The following ELF1 variants were observed in gnomAD, a reference collection of about 807,000 sequenced individuals.
ELF1 encodes ETS-related transcription factor Elf-1.
A neutral mutation model predicts 59.9 loss-of-function variants in ELF1; 24 were observed. The ratio of observed to expected loss-of-function variants is 0.40; its 90% CI spans 0.29 to 0.56. The LOEUF is 0.56. Ranked by LOEUF, ELF1 falls within the 20% of genes least tolerant of loss-of-function variation. The probability of loss-of-function intolerance (pLI) is 0.44; values close to 1 mark genes in which losing one functional copy is unlikely to be tolerated. For missense variants in ELF1, 627 were observed against 742.2 expected, an observed-to-expected ratio of 0.84 and a Z score of 1.80; for synonymous variants, 248 against 266.2, an observed-to-expected ratio of 0.93 and a Z score of 0.67.
rs139151455 is a variant in ELF1, at chr13:40,963,545, C to T, written c.73-4529G>A. ...GGGATGTATATTCAAAGTTGTTCAT[C>T]TCTCGTTTCCCCAGGATGCTATTAA... On this transcript the variant is annotated intron_variant, in intron 2 of 8. Transcript: ENST00000239882. 4.6e-5 allele frequency among the ~76,000 whole-genome samples: 7 copies of T among 152,320 alleles called. No homozygotes were observed. The East Asian group carries it at 1.4e-3, about 29-fold the overall frequency.
intron 5 of ELF1, among the ~76,000 whole-genome samples, chr13:40,948,727 A>G (rs1055803765): frequency 1.1e-4 from 16 of 151,868 alleles, no homozygotes; most frequent in African/African-American, 3.1e-4. Context: ...AAAAATTCCC[A>G]CTCAACACAT....
intron 1 of ELF1, among the ~76,000 whole-genome samples, chr13:41,030,688 C>T (rs1646991545): frequency 6.6e-6 from 1 of 151,368 alleles, no homozygotes; most frequent in South Asian, 2.1e-4. Flanking sequence ...GAGATTGAGG[C>T]TGCAGTGAAC....
chr13:40,999,755 A>T (rs1051708643), intron 1 of ELF1, among the ~76,000 whole-genome samples: 2 of 152,202 alleles, frequency 1.3e-5, no homozygotes, highest in Non-Finnish European at 2.9e-5. Context: ...TTCATTAATT[A>T]CTTAAAATAG....
intron 2 of ELF1, among the ~76,000 whole-genome samples, chr13:40,962,694 A>AAG (rs897834853): frequency 6.6e-5 from 10 of 151,670 alleles, no homozygotes; most frequent in African/African-American, 1.2e-4. Flanking sequence ...AAAAAAAAAA[A>AAG]AAGAAGAAGA....
At chr13:40,988,857 G>A (rs1027152021) in intron 1 of ELF1, among the ~76,000 whole-genome samples, 1 of 152,154 alleles carries the variant, frequency 6.6e-6, no homozygotes, top group Non-Finnish European at 1.5e-5. Flanking sequence ...CTGGAGTGCA[G>A]TGGCACGATC....
chr13:40,940,409 A>AAC (rs1555270935), intron 8 of ELF1, among the ~76,000 whole-genome samples: 7 of 146,680 alleles, frequency 4.8e-5, no homozygotes, highest in African/African-American at 1.5e-4. Context: ...AAAAAAAAAA[A>AAC]AAAAAAAAAC....
At chr13:40,944,965 G>A (rs1001084580) in intron 5 of ELF1, among the ~76,000 whole-genome samples, 16 of 152,228 alleles carry the variant, frequency 1.1e-4, no homozygotes, top group Non-Finnish European at 2.2e-4. Context: ...TGAATGAAAG[G>A]AAGGGAGAAA....
intron 2 of ELF1, among the ~76,000 whole-genome samples, chr13:40,973,359 C>T (rs1872697939): frequency 6.6e-6 from 1 of 152,138 alleles, no homozygotes; most frequent in South Asian, 2.1e-4. Context: ...AGAAGAATTG[C>T]TCTAATATTG....
chr13:40,964,361 G>A (rs1872042967), intron 2 of ELF1, among the ~76,000 whole-genome samples: 1 of 152,140 alleles, frequency 6.6e-6, no homozygotes, highest in Non-Finnish European at 1.5e-5. Flanking sequence ...AGTTCTGGAG[G>A]CTAAAAGTCT....
At chr13:40,960,740 AT>A (rs1407521471) in intron 2 of ELF1, among the ~76,000 whole-genome samples, 2 of 152,190 alleles carry the variant, frequency 1.3e-5, no homozygotes, top group Non-Finnish European at 2.9e-5. Flanking sequence ...GCCTAGATTA[AT>A]TTTGATCACT....
At chr13:40,936,760 C>CAAA (rs368388366) in intron 8 of ELF1, among the ~76,000 whole-genome samples, 13 of 77,090 alleles carry the variant, frequency 1.7e-4, no homozygotes, top group Non-Finnish European at 2.0e-4. Flanking sequence ...GACTCCGTCT[C>CAAA]AAAAAAAAAA....
At chr13:41,035,565 T>C (rs1876339980) in intron 1 of ELF1, among the ~76,000 whole-genome samples, 1 of 151,998 alleles carries the variant, frequency 6.6e-6, no homozygotes, top group Non-Finnish European at 1.5e-5. Context: ...GGTAGCCCTG[T>C]TTAGGAATCA....
At position 40,978,594 on chromosome 13, in the gene ELF1, G is replaced by A. The variant is rs1873064185; in HGVS notation, c.72+3389C>T. Reference sequence around the variant, plus strand: ...TTGTTAAAAGACAACACTAGACTGGGAGAAAATGTCAATGATTCTAATGTA... The same window carrying A: ...TTGTTAAAAGACAACACTAGACTGGAAGAAAATGTCAATGATTCTAATGTA... On this transcript the variant is annotated intron_variant, in intron 2 of 8. Coordinates refer to ENST00000239882, the MANE Select transcript of ELF1 (RefSeq NM_172373.4). Among the ~76,000 whole-genome samples the A allele has an allele frequency of 3.3e-5, 5 of 151,892 alleles. No individual in the cohort carries two copies. The South Asian group carries it at 1.0e-3, about 32-fold the overall frequency.
At chr13:41,036,679 C>T (rs1593406689) in intron 1 of ELF1, among the ~76,000 whole-genome samples, 1 of 152,078 alleles carries the variant, frequency 6.6e-6, no homozygotes. Context: ...GCACTATTCA[C>T]GATAGCAAAG....
At chr13:40,970,402 G>A (rs1221607320) in intron 2 of ELF1, among the ~76,000 whole-genome samples, 2 of 152,134 alleles carry the variant, frequency 1.3e-5, no homozygotes, top group Non-Finnish European at 2.9e-5. Flanking sequence ...ATAAATTCAA[G>A]ATAACATTAT....
At chr13:41,044,323 C>G (rs1295525251) in intron 1 of ELF1, among the ~76,000 whole-genome samples, 1 of 152,156 alleles carries the variant, frequency 6.6e-6, no homozygotes, top group African/African-American at 2.4e-5. Flanking sequence ...GCCAGAACTT[C>G]CAACACTATG....
intron 1 of ELF1, chr13:40,993,246 G>C (rs1873957591): frequency 6.3e-7 from 1 of 1,578,634 alleles, no homozygotes; most frequent in Non-Finnish European, 8.7e-7. Flanking sequence ...ACCAACAAAA[G>C]CAACAGATGT....
intron 1 of ELF1, among the ~76,000 whole-genome samples, chr13:41,014,595 A>G (rs1365005572): frequency 1.3e-5 from 2 of 152,154 alleles, no homozygotes; most frequent in East Asian, 3.8e-4. Context: ...GGTTCTCCAT[A>G]CTAATGGAAG....
chr13:41,043,680 T>C (rs1469691305), intron 1 of ELF1, among the ~76,000 whole-genome samples: 3 of 152,220 alleles, frequency 2.0e-5, no homozygotes, highest in Non-Finnish European at 2.9e-5. Context: ...TTGGTAGCAA[T>C]ACCATGCTGT....
Sources: allele counts gnomAD v4.1 joint callset (sites outside exome capture counted in the v4.1 genomes callset), GRCh38; gene constraint gnomAD v4.1.1; transcripts MANE v1.5; gene names NCBI Gene and HGNC (gene_info 2026-07-23, HGNC 2026-07-21).